Variants in MCF2L2 observed in about 807,000 individuals in gnomAD.
MCF2L2 encodes MCF.2 cell line derived transforming sequence-like 2.
Under a neutral mutation model 150.2 loss-of-function variants are expected in MCF2L2, and 102 were observed. The observed-to-expected ratio is 0.68, with a 90% confidence interval of 0.58 to 0.80. MCF2L2 has a LOEUF of 0.80. Among genes scored for constraint, MCF2L2 ranks in the 30% least tolerant of loss-of-function variants. The probability of loss-of-function intolerance (pLI) is 0.00; values close to 1 mark genes in which losing one functional copy is unlikely to be tolerated. For missense variants in MCF2L2, 1,256 were observed against 1,372.8 expected (o/e 0.91, Z 1.34); for synonymous variants, 465 against 491.3 (o/e 0.95, Z 0.71).
At chr3:183,366,050 C>G (rs528138765) in intron 3 of MCF2L2, among the ~76,000 whole-genome samples, 90 of 151,810 alleles carry the variant, frequency 5.9e-4, no homozygotes, top group African/African-American at 2.2e-3. Flanking sequence ...GAGAAATACT[C>G]AAAGAAACAA....
At chr3:183,204,335 C>T (rs917780120) in intron 25 of MCF2L2, among the ~76,000 whole-genome samples, 5 of 152,064 alleles carry the variant, frequency 3.3e-5, no homozygotes, top group Admixed American at 6.5e-5. Context: ...AGTTAACTGA[C>T]ATTTCTACAA....
At chr3:183,335,727 G>A (rs1730451784) in intron 5 of MCF2L2, among the ~76,000 whole-genome samples, 1 of 152,052 alleles carries the variant, frequency 6.6e-6, no homozygotes. Context: ...AATCAGCCAG[G>A]CATGGTGGTG....
At chr3:183,385,481 G>A (rs1713779800) in intron 2 of MCF2L2, among the ~76,000 whole-genome samples, 1 of 152,052 alleles carries the variant, frequency 6.6e-6, no homozygotes, top group South Asian at 2.1e-4. Flanking sequence ...GTGAAACTGG[G>A]GACTCTACAA....
intron 3 of MCF2L2, among the ~76,000 whole-genome samples, chr3:183,365,875 T>A (rs541243681): frequency 2.2e-4 from 34 of 151,994 alleles, no homozygotes; most frequent in African/African-American, 7.7e-4. Flanking sequence ...ATACACCAAT[T>A]ACATAAAGAA....
At chr3:183,286,378 T>C (rs1384079593) in intron 14 of MCF2L2, among the ~76,000 whole-genome samples, 1 of 152,174 alleles carries the variant, frequency 6.6e-6, no homozygotes, top group Non-Finnish European at 1.5e-5. Flanking sequence ...GCCAAAAGGA[T>C]GTCAGAATCG....
At chr3:183,203,387 T>C (rs1346800398) in intron 25 of MCF2L2, among the ~76,000 whole-genome samples, 4 of 152,182 alleles carry the variant, frequency 2.6e-5, no homozygotes, top group Non-Finnish European at 5.9e-5. Context: ...ATATAAAGAT[T>C]TGTTTTAAAG....
chr3:183,188,797 GTCTCC>G (rs1721782152), intron 27 of MCF2L2, among the ~76,000 whole-genome samples: 1 of 152,084 alleles, frequency 6.6e-6, no homozygotes, highest in Non-Finnish European at 1.5e-5. Context: ...GTGAAACCCT[GTCTCC>G]TCTACTAAAA....
At chr3:183,402,865 AAAAT>A (rs1015969083) in intron 1 of MCF2L2, among the ~76,000 whole-genome samples, 3 of 125,808 alleles carry the variant, frequency 2.4e-5, no homozygotes, top group African/African-American at 1.4e-4. Flanking sequence ...TCATAGACAA[AAAAT>A]ATATATATAT....
At chr3:183,330,337 TAG>T (rs1448989372) in intron 5 of MCF2L2, among the ~76,000 whole-genome samples, 5 of 146,448 alleles carry the variant, frequency 3.4e-5, no homozygotes, top group Non-Finnish European at 6.0e-5. Context: ...ACAGTAAAAA[TAG>T]AGTTTTATAA....
chr3:183,421,447 A>T (rs529301085), intron 1 of MCF2L2, among the ~76,000 whole-genome samples: 16 of 152,098 alleles, frequency 1.1e-4, no homozygotes, highest in Non-Finnish European at 1.6e-4. Flanking sequence ...CCTCTAGTAA[A>T]TTTTTAATTT....
intron 1 of MCF2L2, among the ~76,000 whole-genome samples, chr3:183,395,788 C>T (rs1714405066): frequency 6.6e-6 from 1 of 151,732 alleles, no homozygotes; most frequent in Admixed American, 6.6e-5. Context: ...TGTCGTGGCA[C>T]GTGCGTGTAA....
chr3:183,352,527 A>G (rs6443873), intron 3 of MCF2L2, among the ~76,000 whole-genome samples: 17,086 of 152,242 alleles, frequency 0.11, 1,578 homozygotes, highest in African/African-American at 0.24. Context: ...TGTCTCAAAA[A>G]AAAAGAACGG....
rs1213752031 is a variant in MCF2L2 at position 183,305,168 on chromosome 3, C to T, written c.1113+4548G>A. On this transcript the variant is annotated intron_variant, in intron 10 of 29. Coordinates refer to ENST00000328913, the MANE Select transcript of MCF2L2 (RefSeq NM_015078.4). This position sits in a 1 kb window ranked among gnomAD's most constrained non-coding sequence, Gnocchi z 4.1. ...AGAAGAGCCAGGCTTCAAACCCAGG[C>T]AGTCTTGCTCCAGGATCTGGCTCAG... Among the ~76,000 whole-genome samples, 1 of 152,196 alleles carries T rather than the reference C, an allele frequency of 6.6e-6. No individual in the cohort carries two copies. The highest frequency in any genetic ancestry group is 2.4e-5 in the African/African-American group (1 of 41,444).
intron 1 of MCF2L2, among the ~76,000 whole-genome samples, chr3:183,393,953 T>C (rs1714306439): frequency 6.6e-6 from 1 of 152,224 alleles, no homozygotes; most frequent in Non-Finnish European, 1.5e-5. Flanking sequence ...CCTCCCACTC[T>C]TGCTCTTCTG....
intron 1 of MCF2L2, among the ~76,000 whole-genome samples, chr3:183,401,211 CT>C (rs1161504534): frequency 6.6e-6 from 1 of 152,144 alleles, no homozygotes; most frequent in African/African-American, 2.4e-5. Flanking sequence ...GAGAGGCTGC[CT>C]TTTCCTGATG....
intron 22 of MCF2L2, 104 bp from the exon 23 acceptor site, chr3:183,207,927 G>A: frequency 3.5e-6 from 3 of 863,554 alleles, no homozygotes; most frequent in Non-Finnish European, 5.3e-6. Flanking sequence ...CTTCTTTGAG[G>A]TTTACAATTC....
chr3:183,350,193 T>C (rs780426641), intron 3 of MCF2L2, among the ~76,000 whole-genome samples: 2 of 152,138 alleles, frequency 1.3e-5, no homozygotes, highest in African/African-American at 2.4e-5. Flanking sequence ...CCTGACATAA[T>C]TGTATATAGG....
Position 183,283,463 on chromosome 3 carries a change from T to C in MCF2L2, c.1776+5657A>G, listed in dbSNP as rs1438448125. On this transcript the variant is annotated intron_variant, in intron 14 of 29. Coordinates refer to ENST00000328913, the MANE Select transcript of MCF2L2 (RefSeq NM_015078.4). This position sits in a 1 kb window ranked among gnomAD's most constrained non-coding sequence, Gnocchi z 4.2. ...TAGGCCCTTTAGACCTCTGAGATGT[T>C]ATACCCTTCCTCATTCTGGAATGCC... 6.6e-6 allele frequency among the ~76,000 whole-genome samples: 1 copy of C among 152,154 alleles called. No individual in the cohort carries two copies. Among genetic ancestry groups the C allele is most frequent in the Non-Finnish European group, 1.5e-5 (1 of 68,036 alleles).
intron 15 of MCF2L2, among the ~76,000 whole-genome samples, chr3:183,250,929 G>A (rs1724491206): frequency 6.6e-6 from 1 of 152,194 alleles, no homozygotes; most frequent in African/African-American, 2.4e-5. Context: ...CCGCCCATTG[G>A]GATAGCCCAG....
Sources: allele counts gnomAD v4.1 joint callset (sites outside exome capture counted in the v4.1 genomes callset), GRCh38; gene constraint gnomAD v4.1.1; non-coding constraint Gnocchi (gnomAD v3.1); transcripts MANE v1.5; gene names NCBI Gene and HGNC (gene_info 2026-07-23, HGNC 2026-07-21).